BCAT1: variants seen among roughly 807,000 people sequenced by gnomAD.
BCAT1 encodes branched chain amino acid transaminase 1, also known as branched-chain-amino-acid aminotransferase, cytosolic.
In BCAT1, 48 loss-of-function variants were observed where a neutral mutation model predicts 52.4. The ratio of observed to expected loss-of-function variants is 0.92; its 90% CI spans 0.73 to 1.16. The LOEUF (loss-of-function observed/expected upper bound fraction) is 1.16, where lower values mean the gene tolerates loss of function less well. Ranked by LOEUF, BCAT1 falls within the 50% of genes most tolerant of loss-of-function variation. BCAT1 has a pLI of 0.00. For missense variants in BCAT1, 451 were observed against 457.1 expected, an observed-to-expected ratio of 0.99 and a Z score of 0.12; for synonymous variants, 167 against 161.3, an observed-to-expected ratio of 1.04 and a Z score of -0.27.
At chr12:24,939,144 G>C (rs1278675277) in intron 1 of BCAT1, among the ~76,000 whole-genome samples, 1 of 152,178 alleles carries the variant, frequency 6.6e-6, no homozygotes, top group Non-Finnish European at 1.5e-5. Flanking sequence ...AAAGTGCTGG[G>C]ATTACAGGCA....
At chr12:24,849,738 T>C (rs1180564491) in intron 6 of BCAT1, 48 bp downstream of exon 6, 7 of 1,540,410 alleles carry the variant, frequency 4.5e-6, no homozygotes, top group Non-Finnish European at 6.2e-6. Context: ...ACTAACTAAA[T>C]GGTCATGAAG....
chr12:24,864,957 C>T (rs1446709483), intron 5 of BCAT1, among the ~76,000 whole-genome samples: 1 of 152,168 alleles, frequency 6.6e-6, no homozygotes, highest in African/African-American at 2.4e-5. Context: ...TTCCAGTCCA[C>T]TAAACCTCTC....
chr12:24,817,239 A>G lies in BCAT1; in HGVS notation c.*769T>C, dbSNP rs941050041. 3.3e-5 allele frequency: 5 copies of G among 152,224 alleles called. No homozygotes were observed. Among genetic ancestry groups the G allele is most frequent in the African/African-American group, 1.2e-4 (5 of 41,446 alleles). 9.4% of individuals were successfully genotyped at this position (152,224 alleles called of 1,614,324 possible). A position where few individuals can be genotyped will look rare whatever the true frequency, so the allele number is the denominator to read the frequency against. On this transcript the variant is annotated 3_prime_UTR_variant, in exon 11 of 11. Transcript: ENST00000261192. ...CATAATATAGAAACAAAGAAGGTAC[A>G]CTTCTATAGAAGCAAAATGTTCACT...
chr12:24,935,008 T>C (rs1376653576), intron 1 of BCAT1, among the ~76,000 whole-genome samples: 1 of 152,236 alleles, frequency 6.6e-6, no homozygotes, highest in Non-Finnish European at 1.5e-5. Flanking sequence ...TCTCTCTCTC[T>C]AATTAAGCTA....
At chr12:24,845,803 T>C (rs997161888) in intron 6 of BCAT1, among the ~76,000 whole-genome samples, 2 of 152,144 alleles carry the variant, frequency 1.3e-5, no homozygotes, top group African/African-American at 4.8e-5. Flanking sequence ...ATGCCTGTAA[T>C]CCCAGTGACT....
intron 7 of BCAT1, among the ~76,000 whole-genome samples, chr12:24,837,695 G>A (rs1189603668): frequency 6.6e-6 from 1 of 152,042 alleles, no homozygotes; most frequent in Admixed American, 6.6e-5. Flanking sequence ...CCAAAGTGCT[G>A]AGATTACAGA....
chr12:24,933,004 G>A (rs1355053059), intron 1 of BCAT1, among the ~76,000 whole-genome samples: 1 of 151,454 alleles, frequency 6.6e-6, no homozygotes, highest in Non-Finnish European at 1.5e-5. Context: ...TAGAGACGGG[G>A]ATTCACCATA....
chr12:24,842,842 G>C (rs1346014249), intron 6 of BCAT1, among the ~76,000 whole-genome samples: 3 of 152,090 alleles, frequency 2.0e-5, no homozygotes, highest in African/African-American at 4.8e-5. Context: ...ATTCATCTCA[G>C]ATTATTTAAA....
Position 24,901,818 on chromosome 12 carries a change from A to G in BCAT1, c.74T>C (p.Phe25Ser). The G allele has an allele frequency of 6.2e-7, 1 of 1,613,912 alleles. No individual in the cohort carries two copies. Among genetic ancestry groups the G allele is most frequent in the Non-Finnish European group, 8.5e-7 (1 of 1,179,868 alleles). ...EGGSKEVVGT[F>S]KAKDLIVTPA... ...AGCCTCTGGCAAGCAACTTACCTTA[A>G]AAGTCCCCACCACCTCTTTTGATCC... is the stretch of plus-strand genomic sequence containing the variant. The change falls in exon 2 of 11, where the codon TTT becomes TCT. Residue 25 changes from phenylalanine to serine, a missense_variant. Phe to Ser is a radical substitution (Grantham distance 155, BLOSUM62 -2). Coordinates refer to ENST00000261192, the MANE Select transcript of BCAT1 (RefSeq NM_005504.7).
intron 1 of BCAT1, among the ~76,000 whole-genome samples, chr12:24,908,258 A>T (rs1591865637): frequency 6.6e-6 from 1 of 152,128 alleles, no homozygotes. Flanking sequence ...AGGACTTTAT[A>T]TGCATTGTGA....
chr12:24,824,050 A>G (rs1029447503), intron 10 of BCAT1, among the ~76,000 whole-genome samples: 1 of 152,120 alleles, frequency 6.6e-6, no homozygotes, highest in Non-Finnish European at 1.5e-5. Context: ...AATTTTGATG[A>G]GTTGCATTTC....
In BCAT1 at chr12:24,812,933, T is replaced by A. The variant is rs145637401; in HGVS notation, c.*5075A>T. 6.6e-5 allele frequency: 10 copies of A among 152,104 alleles called. No individual in the cohort carries two copies. The East Asian group carries it at 1.7e-3, about 26-fold the overall frequency. The allele number at this position is 152,104 out of a possible 1,614,324, so 9.4% of individuals were successfully genotyped here. A position where few individuals can be genotyped will look rare whatever the true frequency, so the allele number is the denominator to read the frequency against. On this transcript the variant is annotated 3_prime_UTR_variant, in exon 11 of 11. Transcript: ENST00000261192. ...AACATCATGCAACTCAAGTTATACG[T>A]CTTGTTGATTGGGTCTATTGTAGAA...
chr12:24,833,968 A>G (rs1405898609), intron 8 of BCAT1: 1 of 182,660 alleles, frequency 5.5e-6, no homozygotes, highest in Non-Finnish European at 1.0e-5. Flanking sequence ...CTACAGGTGT[A>G]TGCTGCCATG....
intron 10 of BCAT1, among the ~76,000 whole-genome samples, chr12:24,824,793 A>AT (rs1940315206): frequency 6.6e-6 from 1 of 152,172 alleles, no homozygotes; most frequent in Non-Finnish European, 1.5e-5. Flanking sequence ...GATTTTTAAA[A>AT]TTTTAATTAA....
chr12:24,825,557 G>A (rs1265634046), intron 10 of BCAT1, among the ~76,000 whole-genome samples: 1 of 151,038 alleles, frequency 6.6e-6, no homozygotes, highest in Non-Finnish European at 1.5e-5. Flanking sequence ...AATTAGTGAT[G>A]TTGCGCATTT....
Position 24,881,371 on chromosome 12 carries a change from T to G in BCAT1, c.320A>C (p.Lys107Thr), listed in dbSNP as rs773381841. Residue 107 changes from lysine (K) to threonine (T), a missense_variant, in exon 4 of 11, where the codon AAA becomes ACA. Transcript: ENST00000261192. Reference protein sequence around the residue: ...GLKAFRGVDNKIRLFQPNLNM... With the variant: ...GLKAFRGVDNTIRLFQPNLNM... ...GAGGTTTGGCTGAAACAGTCGAATTTTATTATCTACTCCTCGAAATGCCTT... is the reference window on the plus strand; with the variant it reads ...GAGGTTTGGCTGAAACAGTCGAATTGTATTATCTACTCCTCGAAATGCCTT... 9 of 1,613,188 alleles carry G rather than the reference T, an allele frequency of 5.6e-6. No individual in the cohort carries two copies. In the East Asian group the frequency reaches 1.6e-4, roughly 28 times the overall value.
At chr12:24,865,952 C>T (rs903429076) in intron 5 of BCAT1, among the ~76,000 whole-genome samples, 1 of 152,244 alleles carries the variant, frequency 6.6e-6, no homozygotes, top group Non-Finnish European at 1.5e-5. Flanking sequence ...GGTGCCTCCT[C>T]GGCCTCGGCG....
chr12:24,842,279 A>T, intron 6 of BCAT1, 55 bp from the exon 7 acceptor site: 1 of 1,584,258 alleles, frequency 6.3e-7, no homozygotes, highest in South Asian at 1.1e-5. Flanking sequence ...CCACTCCCTC[A>T]TCTTCTACCC....
chr12:24,943,780 C>G (rs190621557), intron 1 of BCAT1, among the ~76,000 whole-genome samples: 156 of 152,062 alleles, frequency 1.0e-3, no homozygotes, highest in South Asian at 3.3e-3. Context: ...GTCAGGAGAT[C>G]AAGACCTTCC....
Sources: gnomAD v4.1 joint callset for allele counts (sites outside exome capture counted in the v4.1 genomes callset) on GRCh38, gnomAD v4.1.1 for gene constraint, MANE v1.5 for transcripts, NCBI Gene and HGNC (gene_info 2026-07-23, HGNC 2026-07-21) for gene names.